NTRK3: variants seen among roughly 807,000 people sequenced by gnomAD.
NTRK3 encodes the protein neurotrophic receptor tyrosine kinase 3.
Under a neutral mutation model 91.7 loss-of-function variants are expected in NTRK3, and 24 were observed. The ratio of observed to expected loss-of-function variants is 0.26; its 90% CI spans 0.19 to 0.37. The LOEUF is 0.37. Ranked by LOEUF, NTRK3 falls within the 10% of genes least tolerant of loss-of-function variation. The pLI is 1.00. For synonymous variants in NTRK3, 483 were observed against 404.0 expected (o/e 1.20, Z -2.34); for missense variants, 880 against 1,068.9 (o/e 0.82, Z 2.46).
At chr15:88,193,392 C>T (rs2047564186) in intron 3 of NTRK3, among the ~76,000 whole-genome samples, 1 of 152,124 alleles carries the variant, frequency 6.6e-6, no homozygotes, top group Non-Finnish European at 1.5e-5. Context: ...AGAGCTCCCT[C>T]CCAGGCCCAG....
intron 14 of NTRK3, among the ~76,000 whole-genome samples, chr15:87,980,166 C>T (rs11073757): frequency 0.56 from 84,775 of 152,100 alleles, 24,039 homozygotes; most frequent in East Asian, 0.78. Context: ...CGTGCTGCCT[C>T]GAGCAAGGAG....
chr15:88,030,255 T>G (rs1385499865), intron 14 of NTRK3, among the ~76,000 whole-genome samples: 1 of 152,210 alleles, frequency 6.6e-6, no homozygotes, highest in African/African-American at 2.4e-5. Context: ...ATCCTGAGAA[T>G]AGCCACTTTG....
intron 3 of NTRK3, chr15:88,205,840 C>T (rs1200101993): frequency 6.6e-6 from 1 of 152,278 alleles, no homozygotes; most frequent in Non-Finnish European, 1.5e-5. Flanking sequence ...CGAACCGGCC[C>T]CTAGGTGTGT....
At chr15:88,177,173 T>C (rs2046078388) in intron 5 of NTRK3, among the ~76,000 whole-genome samples, 1 of 152,208 alleles carries the variant, frequency 6.6e-6, no homozygotes, top group African/African-American at 2.4e-5. Flanking sequence ...ACAGAAACTA[T>C]ATCCATGTGA....
At chr15:88,189,869 T>G (rs2047248976) in intron 3 of NTRK3, among the ~76,000 whole-genome samples, 1 of 152,176 alleles carries the variant, frequency 6.6e-6, no homozygotes. Context: ...GTCCATATTT[T>G]AATTAAAAAT....
intron 5 of NTRK3, among the ~76,000 whole-genome samples, chr15:88,151,455 C>T (rs1018906067): frequency 2.0e-5 from 3 of 152,172 alleles, no homozygotes; most frequent in African/African-American, 7.2e-5. Flanking sequence ...CCCAGGCAAC[C>T]TCTCCTCTGA....
At chr15:87,889,769 GT>G (rs1319683779) in intron 17 of NTRK3, among the ~76,000 whole-genome samples, 1 of 151,992 alleles carries the variant, frequency 6.6e-6, no homozygotes, top group African/African-American at 2.4e-5. Flanking sequence ...TTTTGTTGTA[GT>G]GTTATCAAAA....
intron 14 of NTRK3, among the ~76,000 whole-genome samples, chr15:88,022,511 C>G (rs912814916): frequency 6.6e-6 from 1 of 152,154 alleles, no homozygotes; most frequent in Non-Finnish European, 1.5e-5. Flanking sequence ...AAATCTTGAG[C>G]TAGAAAGGAT....
intron 14 of NTRK3, among the ~76,000 whole-genome samples, chr15:88,027,893 G>A (rs538052007): frequency 3.9e-4 from 59 of 152,278 alleles, no homozygotes; most frequent in African/African-American, 1.3e-3. Flanking sequence ...ATTCAAGACT[G>A]GGGCATGGCA....
chr15:87,925,456 C>CACACACACACAA (rs2068218719), intron 17 of NTRK3: 1 of 198,570 alleles, frequency 5.0e-6, no homozygotes, highest in South Asian at 1.9e-4. Context: ...CACACACACA[C>CACACACACACAA]ACACACACAC....
At chr15:87,966,781 GGCCCTA>G (rs142657688) in intron 14 of NTRK3, among the ~76,000 whole-genome samples, 2,983 of 152,290 alleles carry the variant, frequency 0.02, 33 homozygotes, top group Non-Finnish European at 0.029. Flanking sequence ...CCCTTCTCAT[GGCCCTA>G]GGACTTTTGG....
At chr15:88,023,798 G>C (rs924324512) in intron 14 of NTRK3, among the ~76,000 whole-genome samples, 20 of 152,168 alleles carry the variant, frequency 1.3e-4, no homozygotes, top group African/African-American at 4.6e-4. Flanking sequence ...TTTGCATCAG[G>C]CAAGTCCATC....
chr15:88,169,550 C>T (rs1199983605), intron 5 of NTRK3, among the ~76,000 whole-genome samples: 1 of 152,188 alleles, frequency 6.6e-6, no homozygotes. Context: ...ATATGAATCA[C>T]TCTGCTGCCT....
intron 11 of NTRK3, among the ~76,000 whole-genome samples, chr15:88,127,556 G>T (rs1030724929): frequency 6.6e-6 from 1 of 152,200 alleles, no homozygotes; most frequent in African/African-American, 2.4e-5. Context: ...CAGAAAAAAA[G>T]AAACATGGTT....
At chr15:87,976,616 C>A (rs937691672) in intron 14 of NTRK3, among the ~76,000 whole-genome samples, 1 of 152,198 alleles carries the variant, frequency 6.6e-6, no homozygotes, top group Non-Finnish European at 1.5e-5. Flanking sequence ...CATTTCAACT[C>A]TTCTAGCTGT....
intron 14 of NTRK3, among the ~76,000 whole-genome samples, chr15:87,960,199 A>T (rs1406703279): frequency 2.0e-5 from 3 of 152,208 alleles, no homozygotes; most frequent in African/African-American, 7.2e-5. Flanking sequence ...ACCAGAGCAC[A>T]AATCTCCCAG....
intron 14 of NTRK3, among the ~76,000 whole-genome samples, chr15:87,984,953 A>G (rs2074616790): frequency 1.3e-5 from 2 of 152,098 alleles, no homozygotes; most frequent in African/African-American, 4.8e-5. Context: ...TGAGATTCAA[A>G]CTGTACAATA....
At chr15:87,910,078 G>C (rs940838697) in intron 17 of NTRK3, among the ~76,000 whole-genome samples, 12 of 152,202 alleles carry the variant, frequency 7.9e-5, no homozygotes, top group Non-Finnish European at 1.5e-4. Flanking sequence ...ATGGAGCCAA[G>C]GGGGCTTCTT....
At position 87,967,502 on chromosome 15, in the gene NTRK3, A is replaced by C. The variant is rs189273755; in HGVS notation, c.1586-26749T>G. Among the ~76,000 whole-genome samples, 34 of 152,324 alleles carry C rather than the reference A, an allele frequency of 2.2e-4. 1 individual carries two copies. The East Asian group carries it at 6.4e-3, about 29-fold the overall frequency. On this transcript the variant is annotated intron_variant, in intron 14 of 18. Transcript: ENST00000394480. ...CTGGCTAGAGCACTGCGAGCCTCAC[A>C]TGTTCCTTAAACAAGTCCAAATGTG...
Sources: allele counts gnomAD v4.1 joint callset (sites outside exome capture counted in the v4.1 genomes callset), GRCh38; gene constraint gnomAD v4.1.1; transcripts MANE v1.5; gene names NCBI Gene and HGNC (gene_info 2026-07-23, HGNC 2026-07-21).